Variants in NUBPL observed in about 807,000 individuals in gnomAD.
NUBPL encodes NUBP iron-sulfur cluster assembly factor, mitochondrial.
Under a neutral mutation model 45.7 loss-of-function variants are expected in NUBPL, and 31 were observed. That is an observed-to-expected ratio of 0.68 (90% CI 0.51 to 0.92). The LOEUF is 0.92. Ranked by LOEUF, NUBPL falls within the 40% of genes least tolerant of loss-of-function variation. The probability of loss-of-function intolerance (pLI) is 0.00; values close to 1 mark genes in which losing one functional copy is unlikely to be tolerated. For missense variants in NUBPL, 401 were observed against 398.7 expected (o/e 1.01, Z -0.05); for synonymous variants, 144 against 140.9 (o/e 1.02, Z -0.15).
In NUBPL at chr14:31,711,896, G is replaced by A. The variant is rs544369922; in HGVS notation, c.513+38322G>A. ...ACATCCGGAGTTGTTTGTTCCTCCCGTCTGGAGTTGTTCATCCCTCCCAGT... is the reference window on the plus strand; with the variant it reads ...ACATCCGGAGTTGTTTGTTCCTCCCATCTGGAGTTGTTCATCCCTCCCAGT... On this transcript the variant is annotated intron_variant, in intron 6 of 10. Transcript: ENST00000281081. 8.5e-5 allele frequency among the ~76,000 whole-genome samples: 13 copies of A among 152,122 alleles called. No homozygotes were observed. The East Asian group carries it at 1.7e-3, about 20-fold the overall frequency.
At chr14:31,743,552 G>A (rs1289917533) in intron 6 of NUBPL, among the ~76,000 whole-genome samples, 1 of 151,980 alleles carries the variant, frequency 6.6e-6, no homozygotes, top group African/African-American at 2.4e-5. Context: ...GCTAATTTTT[G>A]TATTTTTAGT....
chr14:31,661,775 C>T lies in NUBPL; in HGVS notation c.383-11580C>T, dbSNP rs535839981. ...CAGGATGGTCTCAATCTCCTGACCT[C>T]GTGATCCACCTGCCTTGGCCTCTCA... is the stretch of plus-strand genomic sequence containing the variant. On this transcript the variant is annotated intron_variant, in intron 4 of 10. Coordinates refer to ENST00000281081, the MANE Select transcript of NUBPL (RefSeq NM_025152.3). Among the ~76,000 whole-genome samples, 8 of 152,188 alleles carry T rather than the reference C, an allele frequency of 5.3e-5. No individual in the cohort carries two copies. The South Asian group carries it at 1.0e-3, about 20-fold the overall frequency.
chr14:31,745,000 T>C (rs1034723570), intron 6 of NUBPL, among the ~76,000 whole-genome samples: 1 of 152,104 alleles, frequency 6.6e-6, no homozygotes, highest in African/African-American at 2.4e-5. Flanking sequence ...ATGAACTCAG[T>C]CTCCTTTCTT....
chr14:31,579,620 CAT>C (rs1378740288), intron 3 of NUBPL, among the ~76,000 whole-genome samples: 3 of 152,152 alleles, frequency 2.0e-5, no homozygotes, highest in Admixed American at 2.0e-4. Flanking sequence ...TGGTGTCAGA[CAT>C]AAAAATTAAA....
At chr14:31,660,264 T>TAA (rs2036237555) in intron 4 of NUBPL, among the ~76,000 whole-genome samples, 1 of 152,178 alleles carries the variant, frequency 6.6e-6, no homozygotes, top group African/African-American at 2.4e-5. Flanking sequence ...TTCTTCTAGG[T>TAA]AAATAGGTAG....
intron 4 of NUBPL, among the ~76,000 whole-genome samples, chr14:31,599,669 A>G (rs1273635367): frequency 6.6e-6 from 1 of 152,234 alleles, no homozygotes; most frequent in East Asian, 1.9e-4. Flanking sequence ...AATTTGGGCT[A>G]TAAGTACATT....
intron 6 of NUBPL, among the ~76,000 whole-genome samples, chr14:31,708,394 C>A (rs897744452): frequency 6.6e-6 from 1 of 152,156 alleles, no homozygotes; most frequent in Non-Finnish European, 1.5e-5. Flanking sequence ...GCCCAGACTT[C>A]AGGGTTTATT....
chr14:31,760,887 G>A (rs1324701516), intron 6 of NUBPL, among the ~76,000 whole-genome samples: 1 of 152,010 alleles, frequency 6.6e-6, no homozygotes, highest in African/African-American at 2.4e-5. Context: ...TGCCCAGGCT[G>A]GAGTGCAGTG....
chr14:31,819,969 T>C (rs892142887), intron 7 of NUBPL, among the ~76,000 whole-genome samples: 2 of 151,670 alleles, frequency 1.3e-5, no homozygotes. Context: ...TGAAACCCCA[T>C]CTCTACTAAA....
rs114382981 is a variant in NUBPL, at chr14:31,713,662, T to A, written c.513+40088T>A. 6.5e-3 allele frequency among the ~76,000 whole-genome samples: 985 copies of A among 152,238 alleles called. 11 individuals carry two copies. The highest frequency in any genetic ancestry group is 0.022 in the African/African-American group (922 of 41,536). ...GCCTTGCTCAACAACCCGTAGGAAA[T>A]TTTTCTTCTATTTTTTTTCTCTCTT... On this transcript the variant is annotated intron_variant, in intron 6 of 10. Transcript: ENST00000281081.
At chr14:31,754,644 T>G (rs2038613217) in intron 6 of NUBPL, among the ~76,000 whole-genome samples, 1 of 150,810 alleles carries the variant, frequency 6.6e-6, no homozygotes. Flanking sequence ...GATTCATTTT[T>G]ATTTTTCTTG....
intron 7 of NUBPL, among the ~76,000 whole-genome samples, chr14:31,811,022 C>A (rs1169738579): frequency 6.6e-6 from 1 of 152,154 alleles, no homozygotes; most frequent in African/African-American, 2.4e-5. Context: ...TGTGGTTAAC[C>A]CGCCCTTTCT....
intron 4 of NUBPL, among the ~76,000 whole-genome samples, chr14:31,645,783 C>CCA (rs1279014940): frequency 7.3e-6 from 1 of 137,432 alleles, no homozygotes; most frequent in Non-Finnish European, 1.6e-5. Flanking sequence ...CACCCCCCCC[C>CCA]CCACATTTTG....
At chr14:31,767,141 CA>C (rs2038928421) in intron 6 of NUBPL, among the ~76,000 whole-genome samples, 2 of 152,148 alleles carry the variant, frequency 1.3e-5, no homozygotes, top group Admixed American at 6.6e-5. Context: ...AAAATCCATT[CA>C]AATCTCTTGT....
intron 6 of NUBPL, among the ~76,000 whole-genome samples, chr14:31,786,240 A>C (rs1036281283): frequency 3.3e-5 from 5 of 152,192 alleles, no homozygotes; most frequent in Non-Finnish European, 7.4e-5. Context: ...TAAGGAGCAC[A>C]ATATGAAATT....
In NUBPL at chr14:31,850,123, C is replaced by A; in HGVS notation, c.819C>A (p.Asp273Glu). 1 of 1,612,882 alleles carries A rather than the reference C, an allele frequency of 6.2e-7. No individual in the cohort carries two copies. Among genetic ancestry groups the A allele is most frequent in the Non-Finnish European group, 8.5e-7 (1 of 1,178,930 alleles). Residue 273 changes from aspartate (D) to glutamate (E), a missense_variant, in exon 10 of 11, where the codon GAC becomes GAA. Asp to Glu is a conservative substitution (Grantham distance 45). Transcript: ENST00000281081. Reference sequence around the variant, plus strand: ...ATGTCTGCTGGGCTCTTTTAGGAGACATTCCCTTACACCTTAATATAAGGG... The same window carrying A: ...ATGTCTGCTGGGCTCTTTTAGGAGAAATTCCCTTACACCTTAATATAAGGG... Reference protein sequence around the residue: ...AQTLGLEVLGDIPLHLNIREA... With the variant: ...AQTLGLEVLGEIPLHLNIREA...
At chr14:31,813,797 G>A (rs1397069338) in intron 7 of NUBPL, among the ~76,000 whole-genome samples, 1 of 152,100 alleles carries the variant, frequency 6.6e-6, no homozygotes, top group African/African-American at 2.4e-5. Flanking sequence ...TTGGTTATCT[G>A]TTCCTGTGTT....
At chr14:31,832,589 C>T (rs2040210637) in intron 8 of NUBPL, among the ~76,000 whole-genome samples, 1 of 152,094 alleles carries the variant, frequency 6.6e-6, no homozygotes, top group African/African-American at 2.4e-5. Flanking sequence ...AAGAAATACT[C>T]TTTAAAAAAT....
At position 31,831,739 on chromosome 14, in the gene NUBPL, T is replaced by C. The variant is rs562823475; in HGVS notation, c.693+5025T>C. 8.5e-5 allele frequency among the ~76,000 whole-genome samples: 13 copies of C among 152,278 alleles called. 1 individual carries two copies. In the South Asian group the frequency reaches 2.1e-3, roughly 24 times the overall value. The stretch of plus-strand genomic sequence containing the variant: ...TATAGTTGAGATAGTTACGCATTGG[T>C]GTATTGCCAGGTTTGGTAGAGCCCT... On this transcript the variant is annotated intron_variant, in intron 8 of 10. Transcript: ENST00000281081.
Sources: allele counts gnomAD v4.1 joint callset (sites outside exome capture counted in the v4.1 genomes callset), GRCh38; gene constraint gnomAD v4.1.1; transcripts MANE v1.5; gene names NCBI Gene and HGNC (gene_info 2026-07-23, HGNC 2026-07-21).